The following FANCD2OS variants were observed in gnomAD, a reference collection of about 807,000 sequenced individuals.
FANCD2OS encodes the protein FANCD2 opposite strand protein.
Under a neutral mutation model 13.2 loss-of-function variants are expected in FANCD2OS, and 11 were observed. That is an observed-to-expected ratio of 0.83 (90% CI 0.52 to 1.38). The LOEUF (loss-of-function observed/expected upper bound fraction) is 1.38. Ranked by LOEUF, FANCD2OS falls within the 40% of genes most tolerant of loss-of-function variation. FANCD2OS has a pLI of 0.00. For synonymous variants in FANCD2OS, 69 were observed against 84.5 expected, an observed-to-expected ratio of 0.82 and a Z score of 1.01; for missense variants, 217 against 213.9, an observed-to-expected ratio of 1.01 and a Z score of -0.09.
chr3:10,090,311 T>A, intron 2 of FANCD2OS: 1 of 1,613,660 alleles, frequency 6.2e-7, no homozygotes, highest in Non-Finnish European at 8.5e-7. Flanking sequence ...TGTTGTTTTC[T>A]TCCGTGTGAT....
downstream of FANCD2OS, among the ~76,000 whole-genome samples, chr3:10,100,179 CAAAAT>C (rs1218428680): frequency 1.3e-5 from 2 of 152,108 alleles, no homozygotes; most frequent in Non-Finnish European, 2.9e-5. Flanking sequence ...GACCCTGTCT[CAAAAT>C]AAAAAAGTTA....
intron 1 of FANCD2OS, among the ~76,000 whole-genome samples, chr3:10,106,593 T>C (rs1575895524): frequency 6.6e-6 from 1 of 151,986 alleles, no homozygotes; most frequent in South Asian, 2.1e-4. Context: ...TCACCGCCGT[T>C]TGTGAGATAG....
chr3:10,098,982 C>T, downstream of FANCD2OS: 1 of 1,614,002 alleles, frequency 6.2e-7, no homozygotes, highest in South Asian at 1.1e-5. Context: ...TTTTGGGACC[C>T]AGAAGAAACA....
At chr3:10,092,373 A>T in intron 2 of FANCD2OS, 2 of 809,598 alleles carry the variant, frequency 2.5e-6, no homozygotes, top group South Asian at 2.7e-5. Flanking sequence ...GCTCTCCCTG[A>T]GTCGTCTTCT....
intron 2 of FANCD2OS, chr3:10,093,297 C>T (rs1217467299): frequency 4.3e-6 from 7 of 1,613,312 alleles, no homozygotes; most frequent in African/African-American, 1.3e-5. Context: ...ATTTGATAGT[C>T]ATCCTGTTCT....
At chr3:10,096,417 TCAA>T in intron 2 of FANCD2OS, 1 of 1,614,160 alleles carries the variant, frequency 6.2e-7, no homozygotes, top group Non-Finnish European at 8.5e-7. Flanking sequence ...ATGCTCACTC[TCAA>T]CAATTGTAGA....
intron 2 of FANCD2OS, chr3:10,093,365 G>T: frequency 6.6e-7 from 1 of 1,521,184 alleles, no homozygotes; most frequent in Non-Finnish European, 9.1e-7. Flanking sequence ...TATTCTTCCT[G>T]TGGATCACTC....
chr3:10,094,455 C>T, intron 2 of FANCD2OS: 2 of 1,055,574 alleles, frequency 1.9e-6, no homozygotes, highest in South Asian at 2.5e-5. Context: ...TGGGAGTGTT[C>T]TACCTGGGCT....
downstream of FANCD2OS, among the ~76,000 whole-genome samples, chr3:10,102,603 T>TCAGGAGATCCAGGAGATC (rs367999601): frequency 6.6e-6 from 1 of 151,510 alleles, no homozygotes; most frequent in Non-Finnish European, 1.5e-5. Context: ...GGTGGGTGGA[T>TCAGGAGATCCAGGAGATC]CAGGAGATCC....
At chr3:10,106,620 AAAAG>A (rs946665004) in intron 1 of FANCD2OS, among the ~76,000 whole-genome samples, 103 of 152,300 alleles carry the variant, frequency 6.8e-4, no homozygotes, top group African/African-American at 2.4e-3. Context: ...TCGTTTTAAA[AAAAG>A]AACTGTTGGC....
chr3:10,101,630 G>C, downstream of FANCD2OS: 1 of 319,622 alleles, frequency 3.1e-6, no homozygotes, highest in South Asian at 4.0e-5. Context: ...TGATCCACCT[G>C]CCTCAGCCTC....
chr3:10,101,511 G>A, downstream of FANCD2OS: 4 of 463,516 alleles, frequency 8.6e-6, no homozygotes, highest in Non-Finnish European at 1.6e-5. Flanking sequence ...TCAGCCTCCT[G>A]AGTAGCTGGG....
chr3:10,098,684 T>C (rs765642591), downstream of FANCD2OS: 6 of 1,612,398 alleles, frequency 3.7e-6, no homozygotes, highest in Non-Finnish European at 4.2e-6. Context: ...ATGTGATCAT[T>C]ATAACCCACC....
chr3:10,089,040 T>A (rs1362388723), intron 2 of FANCD2OS: 7 of 1,457,946 alleles, frequency 4.8e-6, no homozygotes, highest in Non-Finnish European at 5.7e-6. Flanking sequence ...CCCAGCACTT[T>A]GGGAGGCTGA....
chr3:10,084,338 CTGGAGTGT>C (rs1694046096), intron 2 of FANCD2OS, among the ~76,000 whole-genome samples: 2 of 149,582 alleles, frequency 1.3e-5, no homozygotes, highest in Non-Finnish European at 3.0e-5. Flanking sequence ...GTTGCCCAGG[CTGGAGTGT>C]AGTAACACAA....
Position 10,091,688 on chromosome 3 carries a change from A to G in FANCD2OS, c.*44-10157T>C, listed in dbSNP as rs1248853359. 5.3e-5 allele frequency among the ~76,000 whole-genome samples: 8 copies of G among 152,094 alleles called. No homozygotes were observed. In the East Asian group the frequency reaches 1.4e-3, roughly 26 times the overall value. ...CCATTCCTCACCTCTAACTAGAGGGAAAGGAAATTAAACTAGGAACTCTTT... is the reference window on the plus strand; with the variant it reads ...CCATTCCTCACCTCTAACTAGAGGGGAAGGAAATTAAACTAGGAACTCTTT... On this transcript the variant is annotated intron_variant, in intron 2 of 2. Coordinates refer to the FANCD2OS transcript ENST00000524279.
chr3:10,101,303 C>A, downstream of FANCD2OS: 1 of 1,424,500 alleles, frequency 7.0e-7, no homozygotes, highest in Non-Finnish European at 9.9e-7. Context: ...TCTCTGCCAG[C>A]CTGTGATCAT....
At chr3:10,106,062 G>C (rs1045063511) in intron 1 of FANCD2OS, among the ~76,000 whole-genome samples, 5 of 151,644 alleles carry the variant, frequency 3.3e-5, no homozygotes, top group Non-Finnish European at 7.4e-5. Flanking sequence ...GGCCCCAAAG[G>C]CCTCTGCATT....
downstream of FANCD2OS, chr3:10,099,012 A>G (rs7647987): frequency 0.18 from 289,322 of 1,612,436 alleles, 29,915 homozygotes; most frequent in African/African-American, 0.47. Flanking sequence ...TCTTAGAATC[A>G]CTCCTGAGTA....
Sources: allele counts gnomAD v4.1 joint callset (sites outside exome capture counted in the v4.1 genomes callset), GRCh38; gene constraint gnomAD v4.1.1; transcripts MANE v1.5; gene names NCBI Gene and HGNC (gene_info 2026-07-23, HGNC 2026-07-21).